RYR2: variants seen among roughly 807,000 people sequenced by gnomAD.
The protein encoded by RYR2 is cardiac muscle ryanodine receptor-calcium release channel.
Under a neutral mutation model 601.1 loss-of-function variants are expected in RYR2, and 227 were observed. The ratio of observed to expected loss-of-function variants is 0.38; its 90% CI spans 0.34 to 0.42. The LOEUF (loss-of-function observed/expected upper bound fraction) is 0.42, where lower values mean the gene tolerates loss of function less well. Ranked by LOEUF, RYR2 falls within the 10% of genes least tolerant of loss-of-function variation. The pLI is 1.00. For missense variants in RYR2, 4,646 were observed against 6,156.5 expected (o/e 0.75, Z 8.21); for synonymous variants, 2,223 against 2,175.1 (o/e 1.02, Z -0.61).
intron 25 of RYR2, among the ~76,000 whole-genome samples, chr1:237,540,942 C>T (rs1371554162): frequency 6.6e-6 from 1 of 151,710 alleles, no homozygotes; most frequent in African/African-American, 2.4e-5. Flanking sequence ...TATGCACACA[C>T]ACACACACAT....
intron 14 of RYR2, among the ~76,000 whole-genome samples, chr1:237,451,812 A>G (rs1658160506): frequency 6.6e-6 from 1 of 152,048 alleles, no homozygotes; most frequent in South Asian, 2.1e-4. Flanking sequence ...AATTTTATTA[A>G]TGCCAATTTA....
At chr1:237,602,161 A>G (rs1350105517) in intron 35 of RYR2, 50 bp downstream of exon 35, 1 of 1,382,888 alleles carries the variant, frequency 7.2e-7, no homozygotes, top group Non-Finnish European at 1.0e-6. Flanking sequence ...CTATTAGGAT[A>G]TAGCATTGAT....
intron 10 of RYR2, among the ~76,000 whole-genome samples, chr1:237,410,031 A>G (rs1363048698): frequency 6.6e-6 from 1 of 152,208 alleles, no homozygotes; most frequent in African/African-American, 2.4e-5. Context: ...AGGACTCTGA[A>G]TAGTTCTGTA....
At chr1:237,695,425 A>T (rs1687331927) in intron 63 of RYR2, among the ~76,000 whole-genome samples, 1 of 152,166 alleles carries the variant, frequency 6.6e-6, no homozygotes, top group Non-Finnish European at 1.5e-5. Flanking sequence ...GTATCTGAGG[A>T]CAAGGGAAAT....
intron 73 of RYR2, among the ~76,000 whole-genome samples, chr1:237,722,487 G>A (rs1015318275): frequency 6.7e-6 from 1 of 149,966 alleles, no homozygotes; most frequent in East Asian, 2.0e-4. Context: ...AGGCTGGAGT[G>A]CAGTGGCGCG....
intron 1 of RYR2, among the ~76,000 whole-genome samples, chr1:237,177,499 G>A (rs560704872): frequency 2.5e-4 from 38 of 152,044 alleles, no homozygotes; most frequent in Admixed American, 6.5e-4. Flanking sequence ...AACTGCATAC[G>A]AGCATGTTAC....
At chr1:237,469,045 C>A in intron 16 of RYR2, 47 bp from the exon 17 acceptor site, 1 of 1,502,704 alleles carries the variant, frequency 6.7e-7, no homozygotes. Flanking sequence ...TCTCAATTTT[C>A]GAGCTAGAAA....
intron 1 of RYR2, among the ~76,000 whole-genome samples, chr1:237,188,215 G>A (rs953062849): frequency 2.0e-5 from 3 of 151,466 alleles, no homozygotes; most frequent in South Asian, 2.1e-4. Context: ...TTCTAGCATC[G>A]TGTGCCTCAA....
At chr1:237,237,191 A>G (rs1289071355) in intron 1 of RYR2, among the ~76,000 whole-genome samples, 2 of 152,184 alleles carry the variant, frequency 1.3e-5, no homozygotes, top group African/African-American at 4.8e-5. Context: ...TCTTACCTTT[A>G]TAAATTACCC....
chr1:237,690,356 T>A (rs1412003397), intron 63 of RYR2, among the ~76,000 whole-genome samples: 2 of 152,192 alleles, frequency 1.3e-5, no homozygotes, highest in Non-Finnish European at 2.9e-5. Flanking sequence ...TTTTTCATTG[T>A]TAAAGTGGGC....
At chr1:237,083,052 C>T (rs1341462171) in intron 1 of RYR2, among the ~76,000 whole-genome samples, 2 of 152,162 alleles carry the variant, frequency 1.3e-5, no homozygotes, top group Non-Finnish European at 2.9e-5. Context: ...TAGCCTGGCC[C>T]TGCTTCTGGG....
At chr1:237,278,544 C>A (rs1690537138) in intron 2 of RYR2, among the ~76,000 whole-genome samples, 1 of 152,074 alleles carries the variant, frequency 6.6e-6, no homozygotes, top group Admixed American at 6.6e-5. Flanking sequence ...CTGATTAACT[C>A]TGGGAGATAG....
chr1:237,805,579 T>TTTTTTTTTTTTTTTTTTTGAGA (rs1558456137), intron 98 of RYR2, among the ~76,000 whole-genome samples: 4 of 14,630 alleles, frequency 2.7e-4, no homozygotes, highest in Admixed American at 9.3e-4. Context: ...AGACTCTGTC[T>TTTTTTTTTTTTTTTTTTTGAGA]CAAAAAAAAA....
chr1:237,190,407 T>C (rs927869429), intron 1 of RYR2, among the ~76,000 whole-genome samples: 3 of 152,224 alleles, frequency 2.0e-5, no homozygotes, highest in Non-Finnish European at 4.4e-5. Context: ...ATATATTCTT[T>C]GGAGTATTGT....
chr1:237,627,406 G>T (rs951474), intron 40 of RYR2, among the ~76,000 whole-genome samples: 1 of 152,108 alleles, frequency 6.6e-6, no homozygotes, highest in Non-Finnish European at 1.5e-5. Flanking sequence ...GTCCGTGACC[G>T]AACTTTATAA....
intron 25 of RYR2, among the ~76,000 whole-genome samples, chr1:237,543,764 G>C (rs1669534177): frequency 6.6e-6 from 1 of 152,092 alleles, no homozygotes; most frequent in African/African-American, 2.4e-5. Context: ...CCTTGTTTTT[G>C]TTAAATCACT....
intron 1 of RYR2, among the ~76,000 whole-genome samples, chr1:237,064,230 A>G (rs2148266800): frequency 6.6e-6 from 1 of 151,956 alleles, no homozygotes; most frequent in Non-Finnish European, 1.5e-5. Flanking sequence ...TGACCTTTCT[A>G]CCAGTTCATA....
At chr1:237,215,080 T>A (rs1683015009) in intron 1 of RYR2, among the ~76,000 whole-genome samples, 1 of 152,208 alleles carries the variant, frequency 6.6e-6, no homozygotes, top group Non-Finnish European at 1.5e-5. Context: ...GGATAAGAAC[T>A]GGCAACTTAA....
intron 12 of RYR2, among the ~76,000 whole-genome samples, chr1:237,428,257 A>G (rs1162353331): frequency 6.6e-6 from 1 of 152,204 alleles, no homozygotes; most frequent in Non-Finnish European, 1.5e-5. Flanking sequence ...CTGGGTATAT[A>G]CCCAAAGGAA....
Sources: allele counts gnomAD v4.1 joint callset (sites outside exome capture counted in the v4.1 genomes callset), GRCh38; gene constraint gnomAD v4.1.1; transcripts MANE v1.5; gene names NCBI Gene and HGNC (gene_info 2026-07-23, HGNC 2026-07-21).